PCDHA2: variants seen among roughly 807,000 people sequenced by gnomAD.
PCDHA2 encodes protocadherin alpha-2.
Under a neutral mutation model 66.0 loss-of-function variants are expected in PCDHA2, and 58 were observed. The observed-to-expected ratio is 0.88, with a 90% CI of 0.71 to 1.09. The LOEUF is 1.09. Among genes scored for constraint, PCDHA2 ranks in the 50% least tolerant of loss-of-function variants. The pLI is 0.00. For missense variants in PCDHA2, 1,267 were observed against 1,242.3 expected, an observed-to-expected ratio of 1.02 and a Z score of -0.30; for synonymous variants, 634 against 554.0, an observed-to-expected ratio of 1.14 and a Z score of -2.03.
chr5:140,847,349 A>T (rs1213665115), intron 1 of PCDHA2: 5 of 149,876 alleles, frequency 3.3e-5, no homozygotes, highest in Admixed American at 6.7e-5. Flanking sequence ...TTAGGCTGTT[A>T]TCAGTAGAAA....
chr5:140,977,712 T>C (rs2153814265), intron 1 of PCDHA2, among the ~76,000 whole-genome samples: 1 of 152,306 alleles, frequency 6.6e-6, no homozygotes, highest in South Asian at 2.1e-4. Context: ...AATATTGAGA[T>C]GGTGATCATT....
intron 1 of PCDHA2, chr5:140,871,054 A>G: frequency 6.2e-7 from 1 of 1,613,204 alleles, no homozygotes. Flanking sequence ...AGTACTGGTG[A>G]AGGATCACGG....
rs141978908 is a variant in PCDHA2 at position 140,828,437 on chromosome 5, G to T, written c.2388+31085G>T. ...GGTGATCGTGGACAGGCCGCTGCAG[G>T]TTTTCCATGTGGACGTGGAGGTGAG... On this transcript the variant is annotated intron_variant, in intron 1 of 3. Coordinates refer to ENST00000526136, the MANE Select transcript of PCDHA2 (RefSeq NM_018905.3). 7.8e-5 allele frequency: 126 copies of T among 1,614,152 alleles called. No individual in the cohort carries two copies. Among genetic ancestry groups the T allele is most frequent in the Non-Finnish European group, 9.9e-5 (117 of 1,180,064 alleles).
intron 1 of PCDHA2, chr5:140,884,495 A>T: frequency 6.2e-7 from 1 of 1,614,034 alleles, no homozygotes; most frequent in Non-Finnish European, 8.5e-7. Flanking sequence ...AGTGTGCTCC[A>T]GCGCGGCAGG....
chr5:140,835,529 C>T (rs2150237591), intron 1 of PCDHA2: 1 of 1,613,966 alleles, frequency 6.2e-7, no homozygotes, highest in East Asian at 2.2e-5. Context: ...TTGGAGTCAA[C>T]GGACAGGTTA....
At chr5:140,824,084 C>T (rs1247556013) in intron 1 of PCDHA2, 2 of 1,614,074 alleles carry the variant, frequency 1.2e-6, no homozygotes, top group African/African-American at 1.3e-5. Context: ...GACCTCATGG[C>T]CTTCAGTCCA....
chr5:140,879,578 A>G (rs1298190690), intron 1 of PCDHA2, among the ~76,000 whole-genome samples: 4 of 152,244 alleles, frequency 2.6e-5, no homozygotes, highest in African/African-American at 9.6e-5. Context: ...AATTGCCAAG[A>G]CAGACATTGA....
chr5:140,835,572 T>G lies in PCDHA2; in HGVS notation c.2388+38220T>G, dbSNP rs2150238543. The G allele has an allele frequency of 3.1e-6, 5 of 1,613,896 alleles. 1 individual carries two copies. In the South Asian group the frequency reaches 5.5e-5, roughly 18 times the overall value. ...CCTGACGCCCCGCGTTCCCTTCAAG[T>G]TGGTGTCCACCTTCAAGAATTACTA... On this transcript the variant is annotated intron_variant, in intron 1 of 3. Transcript: ENST00000526136.
intron 1 of PCDHA2, chr5:140,809,604 C>A: frequency 6.6e-7 from 1 of 1,525,754 alleles, no homozygotes; most frequent in South Asian, 1.3e-5. Context: ...GTTTAATTTT[C>A]GTATTGTTTT....
intron 1 of PCDHA2, among the ~76,000 whole-genome samples, chr5:140,900,589 C>T (rs782244593): frequency 1.5e-4 from 23 of 152,164 alleles, no homozygotes; most frequent in South Asian, 1.2e-3. Flanking sequence ...TTTCTTTACC[C>T]GTTCATCTGA....
intron 3 of PCDHA2, among the ~76,000 whole-genome samples, chr5:141,008,010 T>C (rs2098356270): frequency 6.6e-6 from 1 of 152,214 alleles, no homozygotes; most frequent in African/African-American, 2.4e-5. Context: ...TAAACTTCTG[T>C]TTCCTTTTTT....
At chr5:140,979,068 C>G in intron 2 of PCDHA2, 61 bp downstream of exon 2, 1 of 1,602,182 alleles carries the variant, frequency 6.2e-7, no homozygotes. Flanking sequence ...CTCAGATAAA[C>G]TGCATCTCCA....
chr5:140,993,291 C>A (rs961103629), intron 3 of PCDHA2, among the ~76,000 whole-genome samples: 6 of 152,068 alleles, frequency 3.9e-5, no homozygotes, highest in African/African-American at 1.4e-4. Flanking sequence ...CCCAGGGTCA[C>A]AACCTTGCCT....
intron 1 of PCDHA2, among the ~76,000 whole-genome samples, chr5:140,950,995 C>T (rs1554219713): frequency 6.6e-6 from 1 of 151,856 alleles, no homozygotes; most frequent in Non-Finnish European, 1.5e-5. Flanking sequence ...TCTTTTAGCT[C>T]CATTTTTCCC....
At chr5:140,877,317 G>A (rs535177109) in intron 1 of PCDHA2, 1 of 1,613,886 alleles carries the variant, frequency 6.2e-7, no homozygotes. Context: ...AACCGGCGGC[G>A]GTCGGCGCGC....
At chr5:140,805,845 C>T (rs182646710) in intron 1 of PCDHA2, among the ~76,000 whole-genome samples, 5 of 152,082 alleles carry the variant, frequency 3.3e-5, no homozygotes, top group African/African-American at 7.2e-5. Flanking sequence ...ACTAGATATG[C>T]GATCACCTTA....
At chr5:140,841,684 G>C in intron 1 of PCDHA2, 1 of 1,613,954 alleles carries the variant, frequency 6.2e-7, no homozygotes, top group South Asian at 1.1e-5. Context: ...ATGTGGACGT[G>C]GAGGTGAAGG....
At chr5:140,800,969 C>T (rs1218404049) in intron 1 of PCDHA2, 1 of 1,230,710 alleles carries the variant, frequency 8.1e-7, no homozygotes, top group Non-Finnish European at 1.0e-6. Context: ...AAAGAAGATA[C>T]GTTTACATAT....
intron 1 of PCDHA2, among the ~76,000 whole-genome samples, chr5:140,903,726 A>G (rs2070539731): frequency 6.6e-6 from 1 of 152,248 alleles, no homozygotes; most frequent in South Asian, 2.1e-4. Context: ...TCTCCCTATT[A>G]TCAATTATTA....
Sources: allele counts gnomAD v4.1 joint callset (sites outside exome capture counted in the v4.1 genomes callset), GRCh38; gene constraint gnomAD v4.1.1; transcripts MANE v1.5; gene names NCBI Gene and HGNC (gene_info 2026-07-23, HGNC 2026-07-21).